Variants in QKI observed in about 807,000 individuals in gnomAD.
The protein encoded by QKI is KH domain-containing RNA-binding protein QKI.
QKI carries 10 observed loss-of-function variants against 39.0 expected under a neutral mutation model. That is an observed-to-expected ratio of 0.26 (90% CI 0.16 to 0.43). The LOEUF is 0.43. QKI is among the 20% of genes least tolerant of loss of function. The pLI is 1.00. For missense variants in QKI, 218 were observed against 428.0 expected (o/e 0.51, Z 4.33); for synonymous variants, 204 against 155.4 (o/e 1.31, Z -2.33).
In QKI at chr6:163,563,456, C is replaced by T; in HGVS notation, c.671C>T (p.Ala224Val). 1 of 1,613,406 alleles carries T rather than the reference C, an allele frequency of 6.2e-7. No individual in the cohort carries two copies. Among genetic ancestry groups the T allele is most frequent in the Non-Finnish European group, 8.5e-7 (1 of 1,179,552 alleles). Reference sequence around the variant, plus strand: ...TTTTCTCTTGCAGCAACAGCCCAGGCTGCTCCAAGGATCATTACTGGGCCT... The same window carrying T: ...TTTTCTCTTGCAGCAACAGCCCAGGTTGCTCCAAGGATCATTACTGGGCCT... Reference protein sequence around the residue: ...LAFSLAATAQAAPRIITGPAP... With the variant: ...LAFSLAATAQVAPRIITGPAP... The change falls in exon 6 of 8, where the codon GCT (alanine) becomes GTT (valine). Residue 224 changes from alanine to valine, a missense_variant. Around this residue, in one of 3 missense-constraint regions of QKI, gnomAD observed 117 missense variants for 186.0 expected, o/e 0.63. Coordinates refer to ENST00000361752, the MANE Select transcript of QKI (RefSeq NM_006775.3).
At chr6:163,415,870 G>T in intron 1 of QKI, 4 of 506,712 alleles carry the variant, frequency 7.9e-6, no homozygotes, top group South Asian at 4.3e-5. Context: ...TGGGGAGTTG[G>T]TGCAGCTGTT....
chr6:163,547,755 T>G (rs1005837834), intron 4 of QKI, among the ~76,000 whole-genome samples: 3 of 152,114 alleles, frequency 2.0e-5, no homozygotes, highest in Non-Finnish European at 4.4e-5. Flanking sequence ...TGATTCTACC[T>G]CCAAATAGCA....
intron 2 of QKI, among the ~76,000 whole-genome samples, chr6:163,458,337 T>C (rs2128219999): frequency 6.6e-6 from 1 of 152,304 alleles, no homozygotes; most frequent in South Asian, 2.1e-4. Context: ...AGAGTTAATA[T>C]GAGTGAAGCA....
chr6:163,501,871 G>A (rs1778783151), intron 3 of QKI, among the ~76,000 whole-genome samples: 1 of 152,152 alleles, frequency 6.6e-6, no homozygotes, highest in African/African-American at 2.4e-5. Context: ...GAAGACATGA[G>A]GTGAAGAAAA....
chr6:163,424,188 C>T (rs1041974739), intron 1 of QKI, among the ~76,000 whole-genome samples: 3 of 152,046 alleles, frequency 2.0e-5, no homozygotes, highest in Admixed American at 6.5e-5. Context: ...CAGGTGAATA[C>T]ATTTTTTTAA....
intron 4 of QKI, among the ~76,000 whole-genome samples, chr6:163,543,658 C>T (rs1781684457): frequency 1.3e-5 from 2 of 151,964 alleles, no homozygotes; most frequent in African/African-American, 4.8e-5. Context: ...AGAAGGCAGT[C>T]CTTGCTTTCT....
chr6:163,545,602 T>TA (rs549224173), intron 4 of QKI, among the ~76,000 whole-genome samples: 146 of 152,162 alleles, frequency 9.6e-4, no homozygotes, highest in Admixed American at 9.8e-4. Flanking sequence ...TCCTTGGTGA[T>TA]AAAAAAATAT....
chr6:163,565,034 A>G (rs1237219522), intron 6 of QKI: 6 of 1,142,182 alleles, frequency 5.3e-6, no homozygotes, highest in Non-Finnish European at 6.5e-6. Context: ...GTGTGTGTGC[A>G]TGCACTCAGG....
intron 3 of QKI, among the ~76,000 whole-genome samples, chr6:163,516,379 C>A (rs1024315738): frequency 6.6e-6 from 1 of 152,148 alleles, no homozygotes; most frequent in Non-Finnish European, 1.5e-5. Flanking sequence ...ACTGCAACTT[C>A]TGCCTCCCAG....
At chr6:163,487,980 T>A (rs902952402) in intron 3 of QKI, among the ~76,000 whole-genome samples, 2 of 152,186 alleles carry the variant, frequency 1.3e-5, no homozygotes, top group Non-Finnish European at 2.9e-5. Flanking sequence ...TGTTTAATTC[T>A]TTATTTGCTA....
At chr6:163,502,218 G>T (rs1778814750) in intron 3 of QKI, among the ~76,000 whole-genome samples, 1 of 152,086 alleles carries the variant, frequency 6.6e-6, no homozygotes, top group South Asian at 2.1e-4. Flanking sequence ...AACTACTTGG[G>T]AGGCTGAGGT....
intron 4 of QKI, among the ~76,000 whole-genome samples, chr6:163,546,018 T>C (rs1446011999): frequency 6.8e-6 from 1 of 148,002 alleles, no homozygotes; most frequent in Non-Finnish European, 1.5e-5. Context: ...GGTATAAATA[T>C]ATAATTATAT....
At chr6:163,552,546 G>A (rs780598907) in intron 4 of QKI, among the ~76,000 whole-genome samples, 11 of 151,988 alleles carry the variant, frequency 7.2e-5, no homozygotes, top group Non-Finnish European at 1.3e-4. Context: ...TTCATACTGA[G>A]TAAGCGGAGG....
At chr6:163,533,137 CA>C (rs538949181) in intron 3 of QKI, among the ~76,000 whole-genome samples, 79 of 135,714 alleles carry the variant, frequency 5.8e-4, no homozygotes, top group Middle Eastern at 3.6e-3. Context: ...GGTCTCTCTC[CA>C]AAAAAAAAAA....
intron 3 of QKI, among the ~76,000 whole-genome samples, chr6:163,529,933 G>C (rs755526241): frequency 6.6e-5 from 10 of 152,198 alleles, no homozygotes; most frequent in Non-Finnish European, 1.5e-4. Context: ...AGTTCAGACT[G>C]CTTTAGAGAT....
At chr6:163,566,492 T>C in intron 6 of QKI, 1 of 1,352,330 alleles carries the variant, frequency 7.4e-7, no homozygotes, top group Non-Finnish European at 9.5e-7. Flanking sequence ...TGTAAATGAA[T>C]GGATACAATA....
intron 1 of QKI, among the ~76,000 whole-genome samples, chr6:163,440,483 T>G (rs1051631207): frequency 6.6e-6 from 1 of 152,218 alleles, no homozygotes; most frequent in Non-Finnish European, 1.5e-5. Context: ...TGGAAAGACA[T>G]TAGACTTCAT....
intron 4 of QKI, among the ~76,000 whole-genome samples, chr6:163,554,267 C>T (rs1782446142): frequency 6.6e-6 from 1 of 152,170 alleles, no homozygotes. Flanking sequence ...AAGGAGCGCA[C>T]ATGGGAAAGA....
At chr6:163,568,227 A>G in intron 7 of QKI, 1 of 984,424 alleles carries the variant, frequency 1.0e-6, no homozygotes, top group Non-Finnish European at 1.2e-6. Flanking sequence ...CAATTGTTCT[A>G]AAGAGTATTT....
Sources: gnomAD v4.1 joint callset for allele counts (sites outside exome capture counted in the v4.1 genomes callset) on GRCh38, gnomAD v4.1.1 for gene constraint, gnomAD v4.1.1 regional missense constraint, MANE v1.5 for transcripts, NCBI Gene and HGNC (gene_info 2026-07-23, HGNC 2026-07-21) for gene names.